CHCHD6: variants seen among roughly 807,000 people sequenced by gnomAD.
CHCHD6 encodes MICOS complex subunit MIC25.
In CHCHD6, 28 loss-of-function variants were observed where a neutral mutation model predicts 32.3. The ratio of observed to expected loss-of-function variants is 0.87; its 90% CI spans 0.64 to 1.19. CHCHD6 has a LOEUF of 1.19. CHCHD6 is among the 50% of genes most tolerant of loss of function. The pLI, the probability that CHCHD6 is intolerant of heterozygous loss-of-function variation, is 0.00. For synonymous variants in CHCHD6, 122 were observed against 117.5 expected (o/e 1.04, Z -0.25); for missense variants, 333 against 307.0 (o/e 1.08, Z -0.63).
At chr3:126,918,190 A>G (rs181879011) in intron 6 of CHCHD6, among the ~76,000 whole-genome samples, 4 of 152,362 alleles carry the variant, frequency 2.6e-5, no homozygotes, top group Non-Finnish European at 4.4e-5. Context: ...TATTTCTTGG[A>G]TTAACAGATA....
At chr3:126,784,828 G>T (rs1043721003) in intron 4 of CHCHD6, among the ~76,000 whole-genome samples, 7 of 152,002 alleles carry the variant, frequency 4.6e-5, no homozygotes, top group African/African-American at 1.7e-4. Context: ...ATTTTGAGAG[G>T]TTTTTTTGGA....
At chr3:126,880,444 C>T (rs2077593400) in intron 5 of CHCHD6, among the ~76,000 whole-genome samples, 1 of 152,120 alleles carries the variant, frequency 6.6e-6, no homozygotes, top group African/African-American at 2.4e-5. Flanking sequence ...TCACACAGAA[C>T]AGAACCAAGC....
chr3:126,943,623 G>C (rs1339579928), intron 6 of CHCHD6, among the ~76,000 whole-genome samples: 1 of 152,182 alleles, frequency 6.6e-6, no homozygotes, highest in African/African-American at 2.4e-5. Flanking sequence ...GGTGAGAGGT[G>C]AGTCCTGGAG....
chr3:126,861,320 C>T (rs774378818), intron 5 of CHCHD6, among the ~76,000 whole-genome samples: 10 of 152,122 alleles, frequency 6.6e-5, no homozygotes, highest in Admixed American at 2.6e-4. Context: ...GGCTTCCCAA[C>T]GTGTGTACTA....
At chr3:126,786,725 T>A (rs1576414299) in intron 4 of CHCHD6, among the ~76,000 whole-genome samples, 1 of 152,222 alleles carries the variant, frequency 6.6e-6, no homozygotes, top group East Asian at 1.9e-4. Context: ...TGGATATTAG[T>A]CCTTTGTCAG....
chr3:126,957,651 A>T, intron 7 of CHCHD6, 100 bp downstream of exon 7: 1 of 1,377,284 alleles, frequency 7.3e-7, no homozygotes, highest in Non-Finnish European at 1.0e-6. Context: ...TTCCTGTTAG[A>T]ATCAGATGCT....
chr3:126,766,524 G>A, intron 4 of CHCHD6: 1 of 814,716 alleles, frequency 1.2e-6, no homozygotes, highest in Non-Finnish European at 2.2e-6. Flanking sequence ...AAGAGTGTGA[G>A]TAGCCCATGG....
Position 126,704,326 on chromosome 3 carries a change from A to T in CHCHD6, c.14A>T (p.Glu5Val), listed in dbSNP as rs753284418. The T allele has an allele frequency of 1.2e-6, 2 of 1,603,798 alleles. No homozygotes were observed. The highest frequency in any genetic ancestry group is 1.7e-5 in the Admixed American group (1 of 59,266). MGSTESSEGRRVSFG... is the reference protein window; with the variant it reads MGSTVSSEGRRVSFG... ...CGGCATCTCGCCATGGGGAGCACGGAGAGCAGCGAGGGCCGCAGGGTGTCC... is the reference window on the plus strand; with the variant it reads ...CGGCATCTCGCCATGGGGAGCACGGTGAGCAGCGAGGGCCGCAGGGTGTCC... Residue 5 changes from glutamate (E) to valine (V), a missense_variant, in exon 1 of 8, where the codon GAG becomes GTG. Physicochemically the swap from Glu to Val is moderately radical, Grantham distance 121 (BLOSUM62 -2). Coordinates refer to ENST00000290913, the MANE Select transcript of CHCHD6 (RefSeq NM_032343.3).
At position 126,712,007 on chromosome 3, in the gene CHCHD6, A is replaced by G. The variant is rs77983752; in HGVS notation, c.87+7608A>G. 3.9e-3 allele frequency among the ~76,000 whole-genome samples: 592 copies of G among 152,356 alleles called. 6 individuals carry two copies. The highest frequency in any genetic ancestry group is 0.013 in the African/African-American group (531 of 41,590). On this transcript the variant is annotated intron_variant, in intron 1 of 7. Transcript: ENST00000290913. Reference sequence around the variant, plus strand: ...GCTGAGGCATTAGAAAACAAGGTAAAGCAAATTCTGCAGGGAAGCACAGTA... The same window carrying G: ...GCTGAGGCATTAGAAAACAAGGTAAGGCAAATTCTGCAGGGAAGCACAGTA...
chr3:126,867,506 G>C (rs1942328883), intron 5 of CHCHD6, among the ~76,000 whole-genome samples: 1 of 152,230 alleles, frequency 6.6e-6, no homozygotes, highest in Non-Finnish European at 1.5e-5. Context: ...TGCTGGAAAA[G>C]ACTGTTAAAC....
intron 4 of CHCHD6, among the ~76,000 whole-genome samples, chr3:126,788,622 T>C (rs994643934): frequency 1.7e-4 from 26 of 152,146 alleles, no homozygotes; most frequent in Non-Finnish European, 2.4e-4. Flanking sequence ...TAGAAGTGTT[T>C]ATAGTATTCT....
chr3:126,852,686 C>A lies in CHCHD6; in HGVS notation c.451C>A (p.Arg151Ser), dbSNP rs137859632. 6.2e-7 allele frequency: 1 copy of A among 1,613,686 alleles called. No individual in the cohort carries two copies. Among genetic ancestry groups the A allele is most frequent in the African/African-American group, 1.3e-5 (1 of 74,900 alleles). ...GAGCAGAGAGGCAGAGCTAAGACGCCGTGACACCTTCTACAAGGAGCAGCT... is the reference window on the plus strand; with the variant it reads ...GAGCAGAGAGGCAGAGCTAAGACGCAGTGACACCTTCTACAAGGAGCAGCT... ...LESREAELRRRDTFYKEQLER... is the reference protein window; with the variant it reads ...LESREAELRRSDTFYKEQLER... The change falls in exon 5 of 8, where the codon CGT (arginine) becomes AGT (serine). Residue 151 changes from arginine to serine, a missense_variant. Coordinates refer to ENST00000290913, the MANE Select transcript of CHCHD6 (RefSeq NM_032343.3).
intron 4 of CHCHD6, among the ~76,000 whole-genome samples, chr3:126,806,294 C>T (rs1394365378): frequency 3.3e-5 from 5 of 152,100 alleles, no homozygotes; most frequent in East Asian, 1.9e-4. Flanking sequence ...ATTTTCGCAC[C>T]CTACTCATCT....
intron 5 of CHCHD6, among the ~76,000 whole-genome samples, chr3:126,886,063 A>G (rs2077675382): frequency 6.6e-6 from 1 of 152,228 alleles, no homozygotes; most frequent in Non-Finnish European, 1.5e-5. Context: ...AGTCACAGAT[A>G]GGGGAGGCTG....
At chr3:126,794,996 A>AT (rs931484558) in intron 4 of CHCHD6, among the ~76,000 whole-genome samples, 94 of 149,482 alleles carry the variant, frequency 6.3e-4, no homozygotes, top group East Asian at 1.9e-3. Context: ...TATTGATACC[A>AT]TTTTTTTTTT....
chr3:126,737,795 T>C (rs1222215643), intron 4 of CHCHD6, among the ~76,000 whole-genome samples: 1 of 151,888 alleles, frequency 6.6e-6, no homozygotes. Context: ...GATGAGGCCT[T>C]TGGCTGGATT....
At chr3:126,882,869 T>C (rs1449893153) in intron 5 of CHCHD6, among the ~76,000 whole-genome samples, 2 of 152,166 alleles carry the variant, frequency 1.3e-5, no homozygotes, top group African/African-American at 4.8e-5. Flanking sequence ...AAATGATAAG[T>C]TCTCTTTGTG....
At chr3:126,886,838 G>A (rs1403754412) in intron 5 of CHCHD6, among the ~76,000 whole-genome samples, 1 of 152,136 alleles carries the variant, frequency 6.6e-6, no homozygotes, top group Non-Finnish European at 1.5e-5. Flanking sequence ...GCCCCTGTCA[G>A]ATGGGATTCA....
intron 5 of CHCHD6, among the ~76,000 whole-genome samples, chr3:126,863,756 C>A (rs1462057545): frequency 6.7e-6 from 1 of 149,908 alleles, no homozygotes; most frequent in Non-Finnish European, 1.5e-5. Context: ...TCCTCTTCCA[C>A]CACCATCACC....
Sources: allele counts gnomAD v4.1 joint callset (sites outside exome capture counted in the v4.1 genomes callset), GRCh38; gene constraint gnomAD v4.1.1; transcripts MANE v1.5; gene names NCBI Gene and HGNC (gene_info 2026-07-23, HGNC 2026-07-21).